CPNE7: variants seen among roughly 807,000 people sequenced by gnomAD.
CPNE7 encodes the protein copine-7.
Under a neutral mutation model 66.5 loss-of-function variants are expected in CPNE7, and 78 were observed. That is an observed-to-expected ratio of 1.17 (90% confidence interval 0.98 to 1.42). The LOEUF (loss-of-function observed/expected upper bound fraction) is 1.42, where lower values mean the gene tolerates loss of function less well. CPNE7 is among the 40% of genes most tolerant of loss of function. The probability of loss-of-function intolerance (pLI) is 0.00; values close to 1 mark genes in which losing one functional copy is unlikely to be tolerated. For synonymous variants in CPNE7, 468 were observed against 336.7 expected (o/e 1.39, Z -4.27); for missense variants, 1,012 against 776.6 (o/e 1.30, Z -3.60).
At chr16:89,585,438 C>T (rs1301064518) in intron 5 of CPNE7, 26 bp from the exon 6 acceptor site, 16 of 1,578,520 alleles carry the variant, frequency 1.0e-5, no homozygotes, top group Admixed American at 1.7e-5. Context: ...TGGGCCTCCC[C>T]TGAGCCAGCC....
At chr16:89,577,007 G>A (rs1196201290) in intron 1 of CPNE7, among the ~76,000 whole-genome samples, 3 of 152,214 alleles carry the variant, frequency 2.0e-5, no homozygotes, top group Admixed American at 1.3e-4. Context: ...TGAGCTGTAC[G>A]GGTGGCCCAT....
At chr16:89,591,449 C>A (rs1183987560) in intron 13 of CPNE7, among the ~76,000 whole-genome samples, 189 bp downstream of exon 13, 2 of 152,208 alleles carry the variant, frequency 1.3e-5, no homozygotes, top group East Asian at 3.8e-4. Context: ...GTGTCTCGGG[C>A]ACAGGGCTGT....
chr16:89,575,762 G>A lies in CPNE7; in HGVS notation c.-136G>A. 1 of 562,906 alleles carries A rather than the reference G, an allele frequency of 1.8e-6. No individual in the cohort carries two copies. Among genetic ancestry groups the A allele is most frequent in the East Asian group, 1.4e-4 (1 of 7,228 alleles). 34.9% of individuals were successfully genotyped at this position (562,906 alleles called of 1,614,324 possible). A position where few individuals can be genotyped will look rare whatever the true frequency, so the allele number is the denominator to read the frequency against. ...CGCGCGGCGGCCGCCCGAGCCACGTGCGCCCGCGCCCGGCAGGCGTTCAGG... is the reference window on the plus strand; with the variant it reads ...CGCGCGGCGGCCGCCCGAGCCACGTACGCCCGCGCCCGGCAGGCGTTCAGG... On this transcript the variant is annotated 5_prime_UTR_variant, in exon 1 of 15. Transcript: ENST00000319518.
rs1358458568 is a variant in CPNE7, at chr16:89,587,913, CCGTGTCACCCG to C, written c.928-751_928-741del. 2.3e-4 allele frequency among the ~76,000 whole-genome samples: 14 copies of C among 60,218 alleles called. 2 individuals carry two copies. In the East Asian group the frequency reaches 2.6e-3, roughly 11 times the overall value. The allele number at this position is 60,218 out of a possible 152,430, so 39.5% of individuals were successfully genotyped here. On this transcript the variant is annotated intron_variant, in intron 9 of 14. Coordinates refer to ENST00000319518, the MANE Select transcript of CPNE7 (RefSeq NM_153636.3). The stretch of plus-strand genomic sequence containing the variant: ...CGTGTCACCCACAGATACACGGCCC[CCGTGTCACCCG>C]CGTGTCACCCACAGATACACGGCCC...
Position 89,595,432 on chromosome 16 carries a change from C to T in CPNE7, c.1368C>T (p.Ala456=). Residue 456 remains alanine, a synonymous_variant, in exon 14 of 15, where the codon GCC becomes GCT. Transcript: ENST00000319518. ...VVTDMADTRE[A]IVRASRLPMS... is the part of the protein sequence containing the mutation. ...CCGACATGGCCGACACACGGGAGGC[C>T]ATTGTGCGTGCCTCACGCCTGCCCA... 6.2e-7 allele frequency: 1 copy of T among 1,608,824 alleles called. No individual in the cohort carries two copies. Among genetic ancestry groups the T allele is most frequent in the Non-Finnish European group, 8.5e-7 (1 of 1,177,056 alleles).
At position 89,588,821 on chromosome 16, in the gene CPNE7, C is replaced by T; in HGVS notation, c.1061+13C>T. ...AGGACTATGACAGGTGCGCCCACCA[C>T]CTTCCCCTCACCCCCTGGTCTCCAG... On this transcript the variant is annotated intron_variant, in intron 10 of 14. Coordinates refer to ENST00000319518, the MANE Select transcript of CPNE7 (RefSeq NM_153636.3). 1 of 1,612,630 alleles carries T rather than the reference C, an allele frequency of 6.2e-7. No individual in the cohort carries two copies. The highest frequency in any genetic ancestry group is 1.1e-5 in the South Asian group (1 of 91,054).
intron 2 of CPNE7, among the ~76,000 whole-genome samples, chr16:89,581,904 C>G (rs1320938550): frequency 6.6e-6 from 1 of 152,228 alleles, no homozygotes; most frequent in East Asian, 1.9e-4. Flanking sequence ...CCTGGGCTCC[C>G]AAAATGTTGG....
chr16:89,577,159 A>T (rs2058872959), intron 1 of CPNE7, among the ~76,000 whole-genome samples: 1 of 152,166 alleles, frequency 6.6e-6, no homozygotes, highest in Non-Finnish European at 1.5e-5. Context: ...ATGGTACCCC[A>T]GCCAGGAGGG....
chr16:89,591,665 C>G (rs920161311), intron 13 of CPNE7, among the ~76,000 whole-genome samples: 8 of 152,064 alleles, frequency 5.3e-5, no homozygotes, highest in Admixed American at 4.6e-4. Context: ...CTGTATGTGT[C>G]TCTGGGGCCA....
At chr16:89,578,154 T>A (rs1420467853) in intron 2 of CPNE7, among the ~76,000 whole-genome samples, 1 of 147,998 alleles carries the variant, frequency 6.8e-6, no homozygotes, top group African/African-American at 2.5e-5. Context: ...AACCTCCACC[T>A]CCTGGGTTCA....
At position 89,583,453 on chromosome 16, in the gene CPNE7, C is replaced by T. The variant is rs747903697; in HGVS notation, c.358-244C>T. The T allele has an allele frequency of 1.4e-5, 21 of 1,550,414 alleles. No homozygotes were observed. The South Asian group carries it at 1.7e-4, about 12-fold the overall frequency. ...CTCACCTGGTAAATAGGTATGATGA[C>T]CTCTGCCTCCCCTGGGCGACTGCTG... On this transcript the variant is annotated intron_variant, in intron 2 of 14. Coordinates refer to ENST00000319518, the MANE Select transcript of CPNE7 (RefSeq NM_153636.3).
In CPNE7 at chr16:89,583,781, G is replaced by A. The variant is rs780027856; in HGVS notation, c.432+10G>A. 46 of 1,612,258 alleles carry A rather than the reference G, an allele frequency of 2.9e-5. No individual in the cohort carries two copies. The highest frequency in any genetic ancestry group is 3.6e-5 in the Non-Finnish European group (43 of 1,179,784). On this transcript the variant is annotated intron_variant, in intron 3 of 14. Coordinates refer to ENST00000319518, the MANE Select transcript of CPNE7 (RefSeq NM_153636.3). ...CAAGTCCACCATCACGGTGAGACCC[G>A]GGCGCACCCCTGCAGCCTGCAGGCC... is the stretch of plus-strand genomic sequence containing the variant.
At position 89,583,715 on chromosome 16, in the gene CPNE7, G is replaced by A; in HGVS notation, c.376G>A (p.Val126Met). 1 of 1,612,804 alleles carries A rather than the reference G, an allele frequency of 6.2e-7. No homozygotes were observed. Among genetic ancestry groups the A allele is most frequent in the East Asian group, 2.2e-5 (1 of 44,870 alleles). ...CTTACAGATTGTGGCCCAGAAGAAGGTGACCCGCCCGCTGCTGCTCAAGTT... is the reference window on the plus strand; with the variant it reads ...CTTACAGATTGTGGCCCAGAAGAAGATGACCCGCCCGCTGCTGCTCAAGTT... Reference protein sequence around the residue: ...TLGQIVAQKKVTRPLLLKFGR... With the variant: ...TLGQIVAQKKMTRPLLLKFGR... The change falls in exon 3 of 15, where the codon GTG becomes ATG. Residue 126 changes from valine to methionine, a missense_variant. Coordinates refer to ENST00000319518, the MANE Select transcript of CPNE7 (RefSeq NM_153636.3).
chr16:89,595,902 G>A (rs760626323), intron 14 of CPNE7: 10 of 572,466 alleles, frequency 1.7e-5, no homozygotes, highest in South Asian at 9.1e-5. Flanking sequence ...TCTGCGACCC[G>A]GCGAGACACG....
At position 89,589,894 on chromosome 16, in the gene CPNE7, C is replaced by T. The variant is rs1466428753; in HGVS notation, c.1062-3C>T. On this transcript the variant is annotated splice_region_variant and splice_polypyrimidine_tract_variant and intron_variant, in intron 10 of 14. Coordinates refer to ENST00000319518, the MANE Select transcript of CPNE7 (RefSeq NM_153636.3). ...TCCTGGTGACCTCCTGCCTCTCTTC[C>T]AGTGACAAGAGGTTTTCCGCTTTGG... The T allele has an allele frequency of 3.1e-6, 5 of 1,613,644 alleles. No individual in the cohort carries two copies. The highest frequency in any genetic ancestry group is 2.2e-5 in the South Asian group (2 of 91,084).
intron 14 of CPNE7, 81 bp from the exon 15 acceptor site, chr16:89,596,403 C>T (rs940648904): frequency 6.6e-7 from 1 of 1,526,644 alleles, no homozygotes; most frequent in Non-Finnish European, 8.8e-7. Context: ...GAGGATGAGG[C>T]CTGGGCCATA....
intron 2 of CPNE7, among the ~76,000 whole-genome samples, chr16:89,579,160 T>C (rs1201693326): frequency 2.6e-5 from 4 of 151,230 alleles, no homozygotes; most frequent in African/African-American, 9.7e-5. Context: ...GGCGTGGTGG[T>C]GCGTGCCTGT....
At chr16:89,593,833 C>T (rs1338305709) in intron 13 of CPNE7, among the ~76,000 whole-genome samples, 2 of 152,154 alleles carry the variant, frequency 1.3e-5, no homozygotes, top group East Asian at 1.9e-4. Flanking sequence ...TGTTCCTGGC[C>T]CAGGAGCCAG....
chr16:89,593,989 C>A (rs974664132), intron 13 of CPNE7: 1 of 152,192 alleles, frequency 6.6e-6, no homozygotes, highest in African/African-American at 2.4e-5. Context: ...TCACACCTAA[C>A]CACCACTCCT....
Sources: gnomAD v4.1 joint callset for allele counts (sites outside exome capture counted in the v4.1 genomes callset) on GRCh38, gnomAD v4.1.1 for gene constraint, MANE v1.5 for transcripts, NCBI Gene and HGNC (gene_info 2026-07-23, HGNC 2026-07-21) for gene names.